The following CRACD variants were observed in gnomAD, a reference collection of about 807,000 sequenced individuals.
CRACD encodes the protein capping protein-inhibiting regulator of actin dynamics.
Under a neutral mutation model 106.8 loss-of-function variants are expected in CRACD, and 56 were observed. That is an observed-to-expected ratio of 0.52 (90% confidence interval 0.42 to 0.66). The LOEUF (loss-of-function observed/expected upper bound fraction) is 0.66, where lower values mean the gene tolerates loss of function less well. Ranked by LOEUF, CRACD falls within the 30% of genes least tolerant of loss-of-function variation. CRACD has a pLI of 0.00. For missense variants in CRACD, 1,730 were observed against 1,623.2 expected (o/e 1.07, Z -1.13); for synonymous variants, 754 against 670.8 (o/e 1.12, Z -1.92).
In CRACD at chr4:56,329,243, C is replaced by T. The variant is rs931370405; in HGVS notation, c.*1439C>T. On this transcript the variant is annotated 3_prime_UTR_variant, in exon 11 of 11. Transcript: ENST00000682029. ...TTATATTTCATAGTGTTGGCATATT[C>T]CCCTTTTCTTAGATTCTTACTCCGA... Among the ~76,000 whole-genome samples the T allele has an allele frequency of 1.3e-5, 2 of 152,180 alleles. No homozygotes were observed. The highest frequency in any genetic ancestry group is 4.8e-5 in the African/African-American group (2 of 41,442).
chr4:56,072,303 A>G (rs188614224), intron 1 of CRACD, among the ~76,000 whole-genome samples: 1 of 152,292 alleles, frequency 6.6e-6, no homozygotes, highest in East Asian at 1.9e-4. Flanking sequence ...GTTTTCATTA[A>G]AACTGAGTGA....
chr4:56,167,521 G>A (rs553284539), intron 1 of CRACD, among the ~76,000 whole-genome samples: 157 of 152,108 alleles, frequency 1.0e-3, no homozygotes, highest in Non-Finnish European at 1.7e-3. Context: ...CTGCCTGTTA[G>A]CTCCCCTCCC....
At chr4:56,246,002 A>G (rs187721987) in intron 2 of CRACD, among the ~76,000 whole-genome samples, 114 of 152,230 alleles carry the variant, frequency 7.5e-4, no homozygotes, top group African/African-American at 2.6e-3. Context: ...ATTGTCTGGC[A>G]TTTGTCCTAG....
chr4:56,064,741 T>C (rs1732401620), intron 1 of CRACD, among the ~76,000 whole-genome samples: 1 of 152,232 alleles, frequency 6.6e-6, no homozygotes. Context: ...TGTTCACATG[T>C]GTAGCTTCGA....
chr4:56,317,844 T>G (rs1452035956), intron 8 of CRACD, among the ~76,000 whole-genome samples: 1 of 151,638 alleles, frequency 6.6e-6, no homozygotes, highest in African/African-American at 2.4e-5. Context: ...ACCCTGATGT[T>G]TCTTCAGATT....
At chr4:56,218,194 G>A (rs1387082069) in intron 2 of CRACD, among the ~76,000 whole-genome samples, 3 of 152,256 alleles carry the variant, frequency 2.0e-5, no homozygotes, top group South Asian at 4.1e-4. Context: ...GATAGTAGGG[G>A]TGAGGACTTC....
At chr4:56,316,855 T>G (rs1371899220) in intron 8 of CRACD, among the ~76,000 whole-genome samples, 166 bp downstream of exon 8, 1 of 152,172 alleles carries the variant, frequency 6.6e-6, no homozygotes, top group East Asian at 1.9e-4. Context: ...GGCGCCTCAG[T>G]GAGAGGACTG....
intron 1 of CRACD, among the ~76,000 whole-genome samples, chr4:56,086,666 C>A (rs1305276591): frequency 2.0e-5 from 3 of 152,168 alleles, no homozygotes; most frequent in African/African-American, 7.2e-5. Context: ...TATCTGATTT[C>A]CATGGCAGTC....
intron 1 of CRACD, among the ~76,000 whole-genome samples, chr4:56,135,662 A>T (rs1473344420): frequency 2.6e-5 from 4 of 152,204 alleles, no homozygotes; most frequent in Admixed American, 1.3e-4. Flanking sequence ...GATGTTGTTG[A>T]GTGGGTTGTG....
intron 3 of CRACD, among the ~76,000 whole-genome samples, chr4:56,282,580 C>T (rs1743094223): frequency 6.6e-6 from 1 of 152,150 alleles, no homozygotes; most frequent in African/African-American, 2.4e-5. Flanking sequence ...GAAGACTTTC[C>T]AAGTTCCAAG....
chr4:56,246,677 T>G (rs1455949669), intron 2 of CRACD: 10 of 152,298 alleles, frequency 6.6e-5, no homozygotes, highest in Admixed American at 6.5e-4. Context: ...ATCTCATGTT[T>G]GATCGGGAAA....
intron 2 of CRACD, among the ~76,000 whole-genome samples, chr4:56,241,386 A>G (rs1269569726): frequency 1.3e-5 from 2 of 152,148 alleles, no homozygotes; most frequent in African/African-American, 2.4e-5. Context: ...GAAGTTTTCT[A>G]TGCTTGCTCA....
chr4:56,120,471 A>G (rs1316321479), intron 1 of CRACD, among the ~76,000 whole-genome samples: 2 of 152,240 alleles, frequency 1.3e-5, no homozygotes, highest in South Asian at 2.1e-4. Context: ...TTAATTTTCT[A>G]AGAAATTACC....
chr4:56,274,475 T>C (rs1288287347), intron 3 of CRACD, among the ~76,000 whole-genome samples: 1 of 152,188 alleles, frequency 6.6e-6, no homozygotes, highest in Non-Finnish European at 1.5e-5. Flanking sequence ...CTTACAGGAA[T>C]GTGGACCCTG....
intron 1 of CRACD, among the ~76,000 whole-genome samples, chr4:56,075,013 G>T (rs889000198): frequency 2.6e-5 from 4 of 152,180 alleles, no homozygotes; most frequent in African/African-American, 9.7e-5. Context: ...TGTTAAACCT[G>T]CTTTGCATCC....
At chr4:56,158,743 G>T (rs1039431010) in intron 1 of CRACD, among the ~76,000 whole-genome samples, 2 of 152,186 alleles carry the variant, frequency 1.3e-5, no homozygotes, top group Non-Finnish European at 2.9e-5. Flanking sequence ...CAGAGCTGAC[G>T]CAGCCATCAA....
At chr4:56,304,212 C>T (rs1744534000) in intron 4 of CRACD, among the ~76,000 whole-genome samples, 2 of 152,060 alleles carry the variant, frequency 1.3e-5, no homozygotes, top group Admixed American at 1.3e-4. Flanking sequence ...CCTGTCCCTT[C>T]CTCTCGAATT....
At chr4:56,190,922 GA>G (rs1461031261) in intron 2 of CRACD, among the ~76,000 whole-genome samples, 1 of 151,992 alleles carries the variant, frequency 6.6e-6, no homozygotes, top group Non-Finnish European at 1.5e-5. Context: ...CAGCATGGGG[GA>G]AACCACCCCC....
chr4:56,099,777 A>G (rs1056652745), intron 1 of CRACD, among the ~76,000 whole-genome samples: 5 of 152,196 alleles, frequency 3.3e-5, no homozygotes, highest in African/African-American at 9.6e-5. Flanking sequence ...ATGTGTTGCT[A>G]TGGACTAACT....
Sources: allele counts gnomAD v4.1 joint callset (sites outside exome capture counted in the v4.1 genomes callset), GRCh38; gene constraint gnomAD v4.1.1; transcripts MANE v1.5; gene names NCBI Gene and HGNC (gene_info 2026-07-23, HGNC 2026-07-21).